TSTD2: variants seen among roughly 807,000 people sequenced by gnomAD.
TSTD2 encodes thiosulfate sulfurtransferase like domain containing 2.
TSTD2 carries 37 observed loss-of-function variants against 47.9 expected under a neutral mutation model. The observed-to-expected ratio is 0.77, with a 90% CI of 0.59 to 1.02. The LOEUF (loss-of-function observed/expected upper bound fraction) is 1.02, where lower values mean the gene tolerates loss of function less well. TSTD2 is among the 50% of genes least tolerant of loss of function. TSTD2 has a pLI of 0.00. For synonymous variants in TSTD2, 201 were observed against 215.9 expected (o/e 0.93, Z 0.61); for missense variants, 586 against 616.0 (o/e 0.95, Z 0.52).
chr9:97,627,745 T>C, intron 1 of TSTD2, 133 bp from the exon 2 acceptor site: 3 of 535,980 alleles, frequency 5.6e-6, no homozygotes, highest in Admixed American at 6.8e-5. Flanking sequence ...ACTAAATCAA[T>C]AGTATTTACT....
Position 97,611,707 on chromosome 9 carries a change from A to T in TSTD2, c.604-8T>A. 1 of 1,597,162 alleles carries T rather than the reference A, an allele frequency of 6.3e-7. No individual in the cohort carries two copies. Among genetic ancestry groups the T allele is most frequent in the South Asian group, 1.1e-5 (1 of 90,630 alleles). ...TTCTGCAGCAATTCGAATCTGAGAC[A>T]CAAGACGGTGAAAAAGAGAACAGAT... On this transcript the variant is annotated splice_region_variant and splice_polypyrimidine_tract_variant and intron_variant, in intron 4 of 9. Transcript: ENST00000341170.
In TSTD2 at chr9:97,601,041, G is replaced by A. The variant is rs1564004320; in HGVS notation, c.*1428C>T. 1 of 1,303,404 alleles carries A rather than the reference G, an allele frequency of 7.7e-7. No homozygotes were observed. The highest frequency in any genetic ancestry group is 2.3e-5 in the Admixed American group (1 of 43,428). The allele number at this position is 1,303,404 out of a possible 1,614,324, so 80.7% of individuals were successfully genotyped here. Reference sequence around the variant, plus strand: ...ATGAAAAGGTGAAGGCCTGCGCACTGAACTGTAAGGCAGTGGGCAGTACAG... The same window carrying A: ...ATGAAAAGGTGAAGGCCTGCGCACTAAACTGTAAGGCAGTGGGCAGTACAG... On this transcript the variant is annotated 3_prime_UTR_variant, in exon 10 of 10. Transcript: ENST00000341170.
intron 1 of TSTD2, among the ~76,000 whole-genome samples, chr9:97,631,203 G>A (rs1237553585): frequency 6.6e-6 from 1 of 151,916 alleles, no homozygotes; most frequent in African/African-American, 2.4e-5. Context: ...TGCAACCTCC[G>A]CCTCCCAGGT....
chr9:97,602,867 GAACCCGGGGAA>G, intron 9 of TSTD2, 100 bp from the exon 10 acceptor site: 1 of 1,261,616 alleles, frequency 7.9e-7, no homozygotes, highest in South Asian at 1.6e-5. Context: ...AGATCCTGTG[GAACCCGGGGAA>G]GGTTTCCAAA....
intron 8 of TSTD2, among the ~76,000 whole-genome samples, chr9:97,605,070 TA>T (rs1297227263): frequency 6.6e-6 from 1 of 152,028 alleles, no homozygotes; most frequent in Non-Finnish European, 1.5e-5. Context: ...TCTTGCCTCC[TA>T]GGGGGATGGG....
In TSTD2 at chr9:97,606,183, G is replaced by T. The variant is rs896439956; in HGVS notation, c.914C>A (p.Thr305Asn). 1.1e-5 allele frequency: 17 copies of T among 1,612,460 alleles called. No individual in the cohort carries two copies. Among genetic ancestry groups the T allele is most frequent in the Non-Finnish European group, 1.4e-5 (17 of 1,179,438 alleles). ...LSQANQEQSD[T>N]ILLDCRNFYE... ...GAAGTTTCTGCAATCAAGAAGGATA[G>T]TATCACTTTGTTCTTGATTTGCCTG... The change falls in exon 7 of 10, where the codon ACT (threonine) becomes AAT (asparagine). Residue 305 changes from threonine to asparagine, a missense_variant. By Grantham distance (65) the Thr-to-Asn change is moderately conservative (BLOSUM62 0). Transcript: ENST00000341170.
In TSTD2 at chr9:97,633,299, A is replaced by G; in HGVS notation, c.-107T>C. On this transcript the variant is annotated 5_prime_UTR_variant, in exon 1 of 10. Coordinates refer to ENST00000341170, the MANE Select transcript of TSTD2 (RefSeq NM_139246.5). The stretch of plus-strand genomic sequence containing the variant: ...TTCCCTGCACTGTCTCCGCCTAGCA[A>G]TTGTCACTGCTCACCGCCCTCGAGC... 3.5e-6 allele frequency: 1 copy of G among 284,608 alleles called. No homozygotes were observed. The allele number at this position is 284,608 out of a possible 1,614,324, so 17.6% of individuals were successfully genotyped here.
At position 97,602,177 on chromosome 9, in the gene TSTD2, G is replaced by A. The variant is rs1826273256; in HGVS notation, c.*292C>T. On this transcript the variant is annotated 3_prime_UTR_variant, in exon 10 of 10. Coordinates refer to ENST00000341170, the MANE Select transcript of TSTD2 (RefSeq NM_139246.5). ...CAGCCCCAGCTGCATGGAACAGAAA[G>A]GGCATATGCTGTGGCCACCAGGCTC... 1 of 355,512 alleles carries A rather than the reference G, an allele frequency of 2.8e-6. No individual in the cohort carries two copies. Among genetic ancestry groups the A allele is most frequent in the Non-Finnish European group, 5.0e-6 (1 of 198,080 alleles). 22.0% of individuals were successfully genotyped at this position (355,512 alleles called of 1,614,324 possible).
intron 3 of TSTD2, among the ~76,000 whole-genome samples, chr9:97,618,748 T>A (rs1018185644): frequency 6.6e-6 from 1 of 152,190 alleles, no homozygotes; most frequent in Non-Finnish European, 1.5e-5. Context: ...AATGCTACAG[T>A]ACACGACAAT....
chr9:97,607,560 C>T (rs1480398153), intron 6 of TSTD2, among the ~76,000 whole-genome samples: 1 of 152,178 alleles, frequency 6.6e-6, no homozygotes, highest in African/African-American at 2.4e-5. Flanking sequence ...AAGGTACTGT[C>T]ACACAATTAC....
In TSTD2 at chr9:97,601,138, G is replaced by A. The variant is rs1258246885; in HGVS notation, c.*1331C>T. ...CACTGAGGCTGCACATGGCCCAGGA[G>A]TGGCACCATGTTGCAGGGACAACCA... On this transcript the variant is annotated 3_prime_UTR_variant, in exon 10 of 10. Coordinates refer to ENST00000341170, the MANE Select transcript of TSTD2 (RefSeq NM_139246.5). 7.7e-7 allele frequency: 1 copy of A among 1,304,040 alleles called. No individual in the cohort carries two copies. The highest frequency in any genetic ancestry group is 2.3e-5 in the Admixed American group (1 of 43,498). The allele number at this position is 1,304,040 out of a possible 1,614,324, so 80.8% of individuals were successfully genotyped here.
At chr9:97,604,625 C>A in intron 9 of TSTD2, 102 bp downstream of exon 9, 1 of 1,510,342 alleles carries the variant, frequency 6.6e-7, no homozygotes, top group South Asian at 1.2e-5. Flanking sequence ...ATTCAGTGCT[C>A]AGTAATGAGC....
At position 97,617,763 on chromosome 9, in the gene TSTD2, T is replaced by C. The variant is rs766893970; in HGVS notation, c.597A>G (p.Thr199=). Residue 199 remains threonine (T), a synonymous_variant, in exon 4 of 10, where the codon ACA becomes ACG. Transcript: ENST00000341170. ...ATATAGGAGAAGGTGTTACCTTGCC[T>C]GTGAGGTGCAGGTGCTGACACAGAG... ...QTALCQHLHL[T]GKIRIAAEGI... is the part of the protein sequence containing the mutation. 5 of 1,613,344 alleles carry C rather than the reference T, an allele frequency of 3.1e-6. No individual in the cohort carries two copies. The South Asian group carries it at 4.4e-5, about 14-fold the overall frequency.
At chr9:97,605,975 C>G (rs1587975726) in intron 7 of TSTD2, among the ~76,000 whole-genome samples, 168 bp downstream of exon 7, 1 of 152,302 alleles carries the variant, frequency 6.6e-6, no homozygotes, top group African/African-American at 2.4e-5. Flanking sequence ...GACTCTCTCA[C>G]CAGATTTCTG....
intron 3 of TSTD2, among the ~76,000 whole-genome samples, chr9:97,619,166 T>G (rs1461158923): frequency 6.6e-6 from 1 of 152,100 alleles, no homozygotes; most frequent in African/African-American, 2.4e-5. Context: ...ATTTTAGAGG[T>G]GAGGAAATGA....
rs531412481 is a variant in TSTD2 at position 97,611,665 on chromosome 9, A to G, written c.638T>C (p.Val213Ala). 3 of 1,611,148 alleles carry G rather than the reference A, an allele frequency of 1.9e-6. No homozygotes were observed. The Admixed American group carries it at 5.0e-5, about 27-fold the overall frequency. ...RIAAEGINGT[V>A]GGSKLATRLY... ...TCTGGTAGCCAATTTGCTTCCACCA[A>G]CTGTCCCATTGATTCCTTCTGCAGC... Residue 213 changes from valine to alanine, a missense_variant, in exon 5 of 10, where the codon GTT becomes GCT. Coordinates refer to ENST00000341170, the MANE Select transcript of TSTD2 (RefSeq NM_139246.5).
intron 3 of TSTD2, 64 bp from the exon 4 acceptor site, chr9:97,617,941 TA>T: frequency 6.4e-7 from 1 of 1,570,404 alleles, no homozygotes; most frequent in Non-Finnish European, 8.6e-7. Flanking sequence ...TCACAATTCA[TA>T]AAATACACCC....
chr9:97,618,988 C>A (rs569086146), intron 3 of TSTD2, among the ~76,000 whole-genome samples: 1 of 152,120 alleles, frequency 6.6e-6, no homozygotes, highest in Admixed American at 6.5e-5. Flanking sequence ...GTGTCTTTTT[C>A]GTTGTTTTTC....
Position 97,617,859 on chromosome 9 carries a change from T to G in TSTD2, c.501A>C (p.Glu167Asp). The G allele has an allele frequency of 6.2e-7, 1 of 1,613,940 alleles. No individual in the cohort carries two copies. Among genetic ancestry groups the G allele is most frequent in the Non-Finnish European group, 8.5e-7 (1 of 1,179,912 alleles). Residue 167 changes from glutamate to aspartate, a missense_variant, in exon 4 of 10, where the codon GAA (glutamate) becomes GAC (aspartate). By Grantham distance (45) the Glu-to-Asp change is conservative. Coordinates refer to ENST00000341170, the MANE Select transcript of TSTD2 (RefSeq NM_139246.5). Reference sequence around the variant, plus strand: ...AGCAGTAATAAAGGAGCACCTCCCCTTCTTCACTGCCCTGGCCACTATAAA... The same window carrying G: ...AGCAGTAATAAAGGAGCACCTCCCCGTCTTCACTGCCCTGGCCACTATAAA... ...DELISGQGSE[E>D]GEVLLYYCYH...
Sources: allele counts gnomAD v4.1 joint callset (sites outside exome capture counted in the v4.1 genomes callset), GRCh38; gene constraint gnomAD v4.1.1; transcripts MANE v1.5; gene names NCBI Gene and HGNC (gene_info 2026-07-23, HGNC 2026-07-21).